Variants in SUCLG2 observed in about 807,000 individuals in gnomAD.
The protein encoded by SUCLG2 is succinate-CoA ligase GDP-forming subunit beta, also known as succinate--CoA ligase [GDP-forming] subunit beta, mitochondrial.
In SUCLG2, 42 loss-of-function variants were observed where a neutral mutation model predicts 47.9. The observed-to-expected ratio is 0.88, with a 90% CI of 0.69 to 1.14. SUCLG2 has a LOEUF of 1.14. SUCLG2 is among the 50% of genes most tolerant of loss of function. SUCLG2 has a pLI of 0.00. For missense variants in SUCLG2, 571 were observed against 525.9 expected (o/e 1.09, Z -0.84); for synonymous variants, 195 against 197.3 (o/e 0.99, Z 0.10).
chr3:67,604,844 C>T lies in SUCLG2; in HGVS notation c.226+4611G>A, dbSNP rs548057515. Among the ~76,000 whole-genome samples the T allele has an allele frequency of 2.0e-5, 3 of 152,196 alleles. No homozygotes were observed. The South Asian group carries it at 6.2e-4, about 32-fold the overall frequency. ...ATATGATTAATGTCACATTTATTTT[C>T]AAAATATTTTATAAAATGTCATTTC... On this transcript the variant is annotated intron_variant, in intron 2 of 10. Transcript: ENST00000307227.
At chr3:67,549,366 T>C (rs1192770924) in intron 2 of SUCLG2, among the ~76,000 whole-genome samples, 5 of 152,214 alleles carry the variant, frequency 3.3e-5, no homozygotes, top group Admixed American at 1.3e-4. Context: ...AGACTTTTGA[T>C]AAGCCTGCAG....
chr3:67,482,581 G>A (rs1472584153), intron 9 of SUCLG2, among the ~76,000 whole-genome samples: 1 of 152,168 alleles, frequency 6.6e-6, no homozygotes, highest in Non-Finnish European at 1.5e-5. Context: ...TGGTCGTTCA[G>A]CTTAATGGAG....
In SUCLG2 at chr3:67,394,438, T is replaced by C. The variant is rs945277033; in HGVS notation, c.1183+6293A>G. 4.7e-5 allele frequency among the ~76,000 whole-genome samples: 6 copies of C among 126,994 alleles called. 1 individual carries two copies. The highest frequency in any genetic ancestry group is 1.6e-4 in the African/African-American group (6 of 36,852). The allele number at this position is 126,994 out of a possible 152,430, so 83.3% of individuals were successfully genotyped here. A position where few individuals can be genotyped will look rare whatever the true frequency, so the allele number is the denominator to read the frequency against. ...AGGGTATCAGTGATGGAAGATGAAATGAATGAAATGAAGCGAGAAGGGAAG... is the reference window on the plus strand; with the variant it reads ...AGGGTATCAGTGATGGAAGATGAAACGAATGAAATGAAGCGAGAAGGGAAG... On this transcript the variant is annotated intron_variant, in intron 10 of 10. Transcript: ENST00000307227.
At chr3:67,509,858 C>G (rs1705737563) in intron 6 of SUCLG2, among the ~76,000 whole-genome samples, 1 of 152,200 alleles carries the variant, frequency 6.6e-6, no homozygotes, top group Admixed American at 6.5e-5. Context: ...CAACTCTACT[C>G]TGTATATCAG....
chr3:67,507,069 G>A (rs1320857200), intron 7 of SUCLG2, among the ~76,000 whole-genome samples: 1 of 152,052 alleles, frequency 6.6e-6, no homozygotes, highest in Non-Finnish European at 1.5e-5. Flanking sequence ...AATTTTTCAG[G>A]GTTGTGGTAA....
chr3:67,368,804 C>T (rs1445960686), intron 10 of SUCLG2, among the ~76,000 whole-genome samples: 1 of 152,052 alleles, frequency 6.6e-6, no homozygotes, highest in Non-Finnish European at 1.5e-5. Context: ...AGGGGTTTCA[C>T]CATGCTGGCC....
rs914023848 is a variant in SUCLG2, at chr3:67,396,533, G to C, written c.1183+4198C>G. Among the ~76,000 whole-genome samples the C allele has an allele frequency of 1.1e-4, 16 of 152,118 alleles. 1 individual carries two copies. Among genetic ancestry groups the C allele is most frequent in the Non-Finnish European group, 1.9e-4 (13 of 68,036 alleles). Reference sequence around the variant, plus strand: ...TCTGAAATTGTGGCAATAATCAATAGCTTACCAACCATAAAGAGTCCAGGA... The same window carrying C: ...TCTGAAATTGTGGCAATAATCAATACCTTACCAACCATAAAGAGTCCAGGA... On this transcript the variant is annotated intron_variant, in intron 10 of 10. Transcript: ENST00000307227.
intron 9 of SUCLG2, among the ~76,000 whole-genome samples, chr3:67,423,114 C>T (rs913280867): frequency 1.3e-5 from 2 of 152,080 alleles, no homozygotes; most frequent in Non-Finnish European, 2.9e-5. Context: ...TAATAATGCC[C>T]ACGTATCAAG....
At chr3:67,506,850 G>A (rs2094825165) in intron 7 of SUCLG2, among the ~76,000 whole-genome samples, 1 of 152,194 alleles carries the variant, frequency 6.6e-6, no homozygotes, top group South Asian at 2.1e-4. Context: ...ACTACTTCTA[G>A]GTCATGTACG....
chr3:67,553,799 G>A (rs1219019316), intron 2 of SUCLG2, among the ~76,000 whole-genome samples: 1 of 151,972 alleles, frequency 6.6e-6, no homozygotes, highest in Non-Finnish European at 1.5e-5. Flanking sequence ...CAAGAGTAAT[G>A]GTAACTACTC....
chr3:67,627,073 C>T (rs1438397384), intron 1 of SUCLG2, among the ~76,000 whole-genome samples: 1 of 151,932 alleles, frequency 6.6e-6, no homozygotes, highest in Non-Finnish European at 1.5e-5. Flanking sequence ...GAAGACAAAT[C>T]AGTGAGCTTG....
At chr3:67,625,871 T>C (rs970262352) in intron 1 of SUCLG2, among the ~76,000 whole-genome samples, 2 of 151,336 alleles carry the variant, frequency 1.3e-5, no homozygotes, top group Non-Finnish European at 2.9e-5. Context: ...GCTATATTCA[T>C]AGCAGCACTA....
chr3:67,400,486 A>G (rs2106813429), intron 10 of SUCLG2, among the ~76,000 whole-genome samples: 1 of 152,288 alleles, frequency 6.6e-6, no homozygotes, highest in South Asian at 2.1e-4. Context: ...TCATAAATAA[A>G]AGGGCTTTTG....
At chr3:67,557,347 C>T (rs1707189860) in intron 2 of SUCLG2, among the ~76,000 whole-genome samples, 1 of 152,090 alleles carries the variant, frequency 6.6e-6, no homozygotes, top group Admixed American at 6.5e-5. Context: ...AACCTTTTTG[C>T]TCCTTTTCAT....
At chr3:67,384,073 T>C (rs1702212902) in intron 10 of SUCLG2, among the ~76,000 whole-genome samples, 1 of 152,172 alleles carries the variant, frequency 6.6e-6, no homozygotes, top group South Asian at 2.1e-4. Context: ...CTGACTTTGG[T>C]CCACCATTAC....
At chr3:67,602,395 AGCCT>A (rs1708439652) in intron 2 of SUCLG2, among the ~76,000 whole-genome samples, 1 of 152,124 alleles carries the variant, frequency 6.6e-6, no homozygotes, top group South Asian at 2.1e-4. Flanking sequence ...ACTCCCATAA[AGCCT>A]GCCTGCCCAC....
At chr3:67,443,963 G>A (rs1253444678) in intron 9 of SUCLG2, among the ~76,000 whole-genome samples, 1 of 118,170 alleles carries the variant, frequency 8.5e-6, no homozygotes, top group Admixed American at 8.6e-5. Flanking sequence ...GGGAGGTGGG[G>A]GGGGGTCAGC....
intron 9 of SUCLG2, among the ~76,000 whole-genome samples, chr3:67,406,786 T>C (rs940572885): frequency 2.0e-4 from 30 of 152,146 alleles, no homozygotes. Context: ...CAGACTACAG[T>C]AAGGTCAGGA....
intron 10 of SUCLG2, 26 bp from the exon 11 acceptor site, chr3:67,375,885 C>G (rs200549987): frequency 1.2e-6 from 2 of 1,606,716 alleles, no homozygotes; most frequent in South Asian, 1.1e-5. Flanking sequence ...GGAACAATCA[C>G]TGAATGAAAC....
Sources: allele counts gnomAD v4.1 joint callset (sites outside exome capture counted in the v4.1 genomes callset), GRCh38; gene constraint gnomAD v4.1.1; transcripts MANE v1.5; gene names NCBI Gene and HGNC (gene_info 2026-07-23, HGNC 2026-07-21).